The following GLRA3 variants were observed in gnomAD, a reference collection of about 807,000 sequenced individuals.
GLRA3 encodes glycine receptor alpha 3.
GLRA3 carries 44 observed loss-of-function variants against 60.4 expected under a neutral mutation model. The observed-to-expected ratio is 0.73, with a 90% confidence interval of 0.57 to 0.94. The LOEUF (loss-of-function observed/expected upper bound fraction) is 0.94, where lower values mean the gene tolerates loss of function less well. Among genes scored for constraint, GLRA3 ranks in the 40% least tolerant of loss-of-function variants. The pLI is 0.00. For synonymous variants in GLRA3, 223 were observed against 192.9 expected, an observed-to-expected ratio of 1.16 and a Z score of -1.29; for missense variants, 508 against 564.6, an observed-to-expected ratio of 0.90 and a Z score of 1.02.
At chr4:174,787,720 C>T (rs1228538445) in intron 2 of GLRA3, among the ~76,000 whole-genome samples, 1 of 151,886 alleles carries the variant, frequency 6.6e-6, no homozygotes, top group African/African-American at 2.4e-5. Flanking sequence ...TATTTTTGCA[C>T]AACTTGTACT....
At chr4:174,790,086 GATA>G (rs1343480933) in intron 1 of GLRA3, among the ~76,000 whole-genome samples, 1 of 152,198 alleles carries the variant, frequency 6.6e-6, no homozygotes, top group Non-Finnish European at 1.5e-5. Context: ...CAATCTTGGT[GATA>G]ATATGAGAAT....
At chr4:174,650,032 A>T (rs983619377) in intron 9 of GLRA3, among the ~76,000 whole-genome samples, 1 of 152,148 alleles carries the variant, frequency 6.6e-6, no homozygotes, top group Non-Finnish European at 1.5e-5. Context: ...GTCAGGGAAG[A>T]GTTTGGAAAC....
chr4:174,828,707 G>A (rs924735681), intron 1 of GLRA3, 34 bp downstream of exon 1: 17 of 1,389,752 alleles, frequency 1.2e-5, no homozygotes, highest in African/African-American at 1.1e-4. Context: ...CAGGCTTAAT[G>A]AGTTCTCCGA....
intron 5 of GLRA3, among the ~76,000 whole-genome samples, chr4:174,699,812 A>ATAATTTATTTGTTAATTATT (rs1735229041): frequency 2.2e-4 from 2 of 9,002 alleles, no homozygotes. Flanking sequence ...TATTTAATTA[A>ATAATTTATTTGTTAATTATT]TAATTAATAA....
intron 5 of GLRA3, among the ~76,000 whole-genome samples, chr4:174,689,175 T>C (rs889183422): frequency 6.6e-6 from 1 of 152,142 alleles, no homozygotes; most frequent in South Asian, 2.1e-4. Context: ...AAATGCACTA[T>C]AAAATAAAAC....
chr4:174,767,064 G>A (rs1738170298), intron 2 of GLRA3, 34 bp from the exon 3 acceptor site: 1 of 1,143,106 alleles, frequency 8.7e-7, no homozygotes, highest in Admixed American at 1.8e-5. Flanking sequence ...GGGCTGTTTA[G>A]AGACTTATCT....
intron 1 of GLRA3, 50 bp downstream of exon 1, chr4:174,828,691 A>C (rs748615570): frequency 1.3e-5 from 15 of 1,141,888 alleles, no homozygotes; most frequent in Non-Finnish European, 1.9e-5. Flanking sequence ...GTTGCAACGT[A>C]ATGCACAGGC....
chr4:174,805,827 G>A (rs538829291), intron 1 of GLRA3, among the ~76,000 whole-genome samples: 1 of 152,276 alleles, frequency 6.6e-6, no homozygotes, highest in East Asian at 1.9e-4. Flanking sequence ...GGGTCTTCAA[G>A]AGGATAGTTT....
chr4:174,682,981 C>A (rs1447093367), intron 5 of GLRA3, 42 bp from the exon 6 acceptor site: 1 of 1,523,904 alleles, frequency 6.6e-7, no homozygotes, highest in African/African-American at 1.4e-5. Context: ...CTAAAAAGGG[C>A]ATTCAAAGAA....
chr4:174,722,832 C>T (rs889690924), intron 4 of GLRA3: 2 of 166,860 alleles, frequency 1.2e-5, no homozygotes, highest in African/African-American at 4.8e-5. Context: ...TTTTTGTTAA[C>T]AAAGAAACTG....
chr4:174,798,747 A>C (rs1299318732), intron 1 of GLRA3, among the ~76,000 whole-genome samples: 1 of 152,076 alleles, frequency 6.6e-6, no homozygotes, highest in Non-Finnish European at 1.5e-5. Context: ...ACACGGTGAA[A>C]CCCCGTCTCT....
intron 1 of GLRA3, among the ~76,000 whole-genome samples, chr4:174,790,751 C>T (rs1032066508): frequency 2.2e-5 from 3 of 137,316 alleles, no homozygotes; most frequent in Admixed American, 8.4e-5. Context: ...GAGGCCGAAG[C>T]GGGTGGATCA....
At chr4:174,754,572 CATCGGA>C in intron 3 of GLRA3, among the ~76,000 whole-genome samples, 1 of 151,980 alleles carries the variant, frequency 6.6e-6, no homozygotes, top group Non-Finnish European at 1.5e-5. Flanking sequence ...ATATGAATGA[CATCGGA>C]ATAGCCACTG....
intron 3 of GLRA3, among the ~76,000 whole-genome samples, chr4:174,732,221 G>A (rs1490421103): frequency 1.3e-5 from 2 of 151,998 alleles, no homozygotes; most frequent in Non-Finnish European, 2.9e-5. Flanking sequence ...TGGGTGTGGT[G>A]GCGTGCGCCT....
intron 1 of GLRA3, among the ~76,000 whole-genome samples, chr4:174,809,224 C>T (rs1163800657): frequency 6.6e-6 from 1 of 152,176 alleles, no homozygotes; most frequent in Non-Finnish European, 1.5e-5. Context: ...GTATTTAATA[C>T]TGTACATGCT....
chr4:174,657,525 G>C (rs1056856332), intron 8 of GLRA3, among the ~76,000 whole-genome samples: 16 of 152,294 alleles, frequency 1.1e-4, no homozygotes, highest in African/African-American at 3.1e-4. Context: ...AGAAGGGAAA[G>C]TGGTCTTTAT....
chr4:174,659,841 G>A (rs977948701), intron 7 of GLRA3, among the ~76,000 whole-genome samples: 3 of 151,646 alleles, frequency 2.0e-5, no homozygotes, highest in African/African-American at 4.8e-5. Context: ...GTGTGGTGGC[G>A]GGCGCCTATA....
At chr4:174,774,319 C>T (rs2111256547) in intron 2 of GLRA3, among the ~76,000 whole-genome samples, 1 of 151,954 alleles carries the variant, frequency 6.6e-6, no homozygotes, top group East Asian at 1.9e-4. Context: ...TCAATAGATA[C>T]AGAAGTATAG....
At chr4:174,739,557 G>A (rs1736929976) in intron 3 of GLRA3, among the ~76,000 whole-genome samples, 1 of 152,088 alleles carries the variant, frequency 6.6e-6, no homozygotes, top group African/African-American at 2.4e-5. Context: ...AATCATAAGA[G>A]CATTATCTCA....
Sources: allele counts gnomAD v4.1 joint callset (sites outside exome capture counted in the v4.1 genomes callset), GRCh38; gene constraint gnomAD v4.1.1; transcripts MANE v1.5; gene names NCBI Gene and HGNC (gene_info 2026-07-23, HGNC 2026-07-21).